Variants in GRM8 observed in about 807,000 individuals in gnomAD.
GRM8 encodes glutamate metabotropic receptor 8.
Under a neutral mutation model 87.2 loss-of-function variants are expected in GRM8, and 47 were observed. That is an observed-to-expected ratio of 0.54 (90% CI 0.43 to 0.69). GRM8 has a LOEUF of 0.69. Ranked by LOEUF, GRM8 falls within the 30% of genes least tolerant of loss-of-function variation. The pLI, the probability that GRM8 is intolerant of heterozygous loss-of-function variation, is 0.00. For missense variants in GRM8, 1,019 were observed against 1,139.2 expected (o/e 0.89, Z 1.52); for synonymous variants, 396 against 404.5 (o/e 0.98, Z 0.25).
chr7:127,190,945 A>T (rs1048132052), intron 2 of GRM8, among the ~76,000 whole-genome samples: 1 of 152,200 alleles, frequency 6.6e-6, no homozygotes, highest in Non-Finnish European at 1.5e-5. Context: ...ATGAGCTACT[A>T]AAAGCTTTGA....
intron 6 of GRM8, among the ~76,000 whole-genome samples, chr7:126,796,363 G>T (rs1358160068): frequency 5.9e-5 from 9 of 152,148 alleles, no homozygotes; most frequent in Admixed American, 3.9e-4. Flanking sequence ...AAACTACCTT[G>T]ATATCTATTA....
At chr7:126,931,122 T>C (rs963822386) in intron 3 of GRM8, among the ~76,000 whole-genome samples, 1 of 152,192 alleles carries the variant, frequency 6.6e-6, no homozygotes, top group Non-Finnish European at 1.5e-5. Flanking sequence ...TTAGTTAAAA[T>C]AGAGGATGAT....
chr7:126,785,625 G>C (rs185159799), intron 6 of GRM8, among the ~76,000 whole-genome samples: 1 of 151,892 alleles, frequency 6.6e-6, no homozygotes, highest in Non-Finnish European at 1.5e-5. Flanking sequence ...CAGGTCTTTC[G>C]CTTCTTTATC....
intron 2 of GRM8, among the ~76,000 whole-genome samples, chr7:127,241,737 G>C (rs1798317106): frequency 6.6e-6 from 1 of 152,074 alleles, no homozygotes; most frequent in East Asian, 1.9e-4. Context: ...ACCCAGCCAG[G>C]AACCATTTTT....
chr7:127,068,121 T>G (rs1821317513), intron 3 of GRM8, among the ~76,000 whole-genome samples: 1 of 152,154 alleles, frequency 6.6e-6, no homozygotes, highest in Admixed American at 6.5e-5. Flanking sequence ...CTCGTATTAG[T>G]CAAGGATAAT....
chr7:127,205,046 G>C (rs966480395), intron 2 of GRM8, among the ~76,000 whole-genome samples: 1 of 152,176 alleles, frequency 6.6e-6, no homozygotes, highest in Non-Finnish European at 1.5e-5. Flanking sequence ...TTTTCCATTT[G>C]TTGGTTTGCG....
intron 6 of GRM8, among the ~76,000 whole-genome samples, chr7:126,774,578 T>C (rs1819214261): frequency 6.6e-6 from 1 of 152,150 alleles, no homozygotes; most frequent in Admixed American, 6.6e-5. Flanking sequence ...GTTTTACATC[T>C]TCATTAATGA....
chr7:126,642,548 G>C (rs1354449176), intron 7 of GRM8, among the ~76,000 whole-genome samples: 1 of 151,982 alleles, frequency 6.6e-6, no homozygotes, highest in Non-Finnish European at 1.5e-5. Context: ...GCTAAGGCGG[G>C]AGAATAGTGT....
At chr7:127,224,859 C>A (rs748016469) in intron 2 of GRM8, among the ~76,000 whole-genome samples, 2 of 152,154 alleles carry the variant, frequency 1.3e-5, no homozygotes, top group Non-Finnish European at 2.9e-5. Flanking sequence ...AAGCAATCTG[C>A]CCGCCTTGGC....
chr7:126,552,982 T>C (rs1054474557), intron 8 of GRM8, among the ~76,000 whole-genome samples: 2 of 152,154 alleles, frequency 1.3e-5, no homozygotes, highest in African/African-American at 4.8e-5. Context: ...AAATGATTTT[T>C]CAGTATTGAA....
intron 3 of GRM8, chr7:126,981,772 C>T (rs1045726328): frequency 6.6e-5 from 10 of 152,148 alleles, no homozygotes; most frequent in African/African-American, 9.7e-5. Context: ...TCCTCTTCAC[C>T]ATGTAAAGAA....
At chr7:126,992,509 C>T (rs971471154) in intron 3 of GRM8, among the ~76,000 whole-genome samples, 1 of 151,982 alleles carries the variant, frequency 6.6e-6, no homozygotes, top group African/African-American at 2.4e-5. Flanking sequence ...ACAACAGCAT[C>T]AAAAATCATG....
chr7:126,653,281 C>G (rs1300000826), intron 7 of GRM8, among the ~76,000 whole-genome samples: 1 of 123,944 alleles, frequency 8.1e-6, no homozygotes, highest in Non-Finnish European at 1.6e-5. Flanking sequence ...TCCTGGGTGA[C>G]AGAGTGAGAT....
At chr7:126,645,997 C>T (rs942595776) in intron 7 of GRM8, among the ~76,000 whole-genome samples, 1 of 152,130 alleles carries the variant, frequency 6.6e-6, no homozygotes, top group Non-Finnish European at 1.5e-5. Context: ...TTACTCACCC[C>T]CTCCCTCTCT....
chr7:126,509,253 G>T (rs1810963205), intron 9 of GRM8, among the ~76,000 whole-genome samples: 1 of 152,040 alleles, frequency 6.6e-6, no homozygotes, highest in Non-Finnish European at 1.5e-5. Flanking sequence ...TGCTGCAAGA[G>T]AATGGTTGGC....
intron 9 of GRM8, among the ~76,000 whole-genome samples, chr7:126,516,224 A>T (rs1812139883): frequency 1.3e-5 from 2 of 151,920 alleles, no homozygotes; most frequent in African/African-American, 4.8e-5. Flanking sequence ...ATATTTTAGG[A>T]TGCCACTTTG....
chr7:126,862,409 A>G (rs1798212333), intron 6 of GRM8, among the ~76,000 whole-genome samples: 1 of 151,982 alleles, frequency 6.6e-6, no homozygotes, highest in South Asian at 2.1e-4. Flanking sequence ...TTACAAAAAT[A>G]TTCTTAAATG....
intron 7 of GRM8, among the ~76,000 whole-genome samples, chr7:126,633,954 TG>T (rs1167230161): frequency 1.3e-5 from 2 of 152,010 alleles, no homozygotes; most frequent in Admixed American, 6.6e-5. Flanking sequence ...TATGAAAAAA[TG>T]CCTATTTTAT....
chr7:126,559,239 G>A (rs1277985306), intron 8 of GRM8, among the ~76,000 whole-genome samples: 8 of 141,094 alleles, frequency 5.7e-5, no homozygotes, highest in African/African-American at 1.8e-4. Flanking sequence ...TGCAACCTCC[G>A]CCTCCTGGGT....
Sources: gnomAD v4.1 joint callset for allele counts (sites outside exome capture counted in the v4.1 genomes callset) on GRCh38, gnomAD v4.1.1 for gene constraint, MANE v1.5 for transcripts, NCBI Gene and HGNC (gene_info 2026-07-23, HGNC 2026-07-21) for gene names.